Variants in EXD2 observed in about 807,000 individuals in gnomAD.
The protein encoded by EXD2 is exonuclease 3'-5' domain containing 2.
EXD2 carries 40 observed loss-of-function variants against 62.5 expected under a neutral mutation model. The ratio of observed to expected loss-of-function variants is 0.64; its 90% CI spans 0.50 to 0.83. EXD2 has a LOEUF of 0.83. Ranked by LOEUF, EXD2 falls within the 40% of genes least tolerant of loss-of-function variation. The probability of loss-of-function intolerance (pLI) is 0.00; values close to 1 mark genes in which losing one functional copy is unlikely to be tolerated. For missense variants in EXD2, 671 were observed against 761.8 expected (o/e 0.88, Z 1.40); for synonymous variants, 239 against 291.9 (o/e 0.82, Z 1.85).
In EXD2 at chr14:69,241,393, AATG is replaced by A. The variant is rs1328157606; in HGVS notation, c.*295_*297del. ...TTCTGCTGTCCCTGTGCAGAGGAAA[AATG>A]AAGAATTCTCCCAGAAGTGACTTGT... On this transcript the variant is annotated 3_prime_UTR_variant, in exon 10 of 10. Coordinates refer to ENST00000685843, the MANE Select transcript of EXD2 (RefSeq NM_001193360.2). 2.1e-5 allele frequency: 7 copies of A among 334,546 alleles called. No homozygotes were observed. Among genetic ancestry groups the A allele is most frequent in the African/African-American group, 1.5e-4 (7 of 48,156 alleles). 20.7% of individuals were successfully genotyped at this position (334,546 alleles called of 1,614,324 possible). A position where few individuals can be genotyped will look rare whatever the true frequency, so the allele number is the denominator to read the frequency against.
At position 69,209,789 on chromosome 14, in the gene EXD2, ATTG is replaced by A. The variant is rs2042743112; in HGVS notation, c.320_322del (p.Ile107_Asp108delinsAsn). The A allele has an allele frequency of 6.8e-6, 10 of 1,462,972 alleles. No individual in the cohort carries two copies. Among genetic ancestry groups the A allele is most frequent in the African/African-American group, 1.4e-5 (1 of 69,908 alleles). 90.6% of individuals were successfully genotyped at this position (1,462,972 alleles called of 1,614,324 possible). ...ATTAGAAGATTTTCCAGTACTTGGA[ATTG>A]ACTGTGAGTGGGTAAGTTAAAAAGC... On this transcript the variant is annotated inframe_deletion, in exon 3 of 10. Coordinates refer to ENST00000685843, the MANE Select transcript of EXD2 (RefSeq NM_001193360.2).
intron 4 of EXD2, among the ~76,000 whole-genome samples, chr14:69,229,772 C>T (rs1169212960): frequency 6.6e-6 from 1 of 152,106 alleles, no homozygotes; most frequent in African/African-American, 2.4e-5. Context: ...TTTATAACAA[C>T]GTGGACTGAA....
chr14:69,234,591 C>T lies in EXD2; in HGVS notation c.718-109C>T, dbSNP rs530622642. 2.4e-5 allele frequency: 22 copies of T among 910,932 alleles called. No individual in the cohort carries two copies. The African/African-American group carries it at 3.7e-4, about 15-fold the overall frequency. 56.4% of individuals were successfully genotyped at this position (910,932 alleles called of 1,614,324 possible). ...AGTGTATGGTGCCCAGGTTGTCGTA[C>T]ATTTTGAATTAGGATCCTAAGAGTT... On this transcript the variant is annotated intron_variant, in intron 5 of 9. Coordinates refer to ENST00000685843, the MANE Select transcript of EXD2 (RefSeq NM_001193360.2).
chr14:69,197,596 T>C (rs149621037), intron 1 of EXD2, among the ~76,000 whole-genome samples: 45 of 152,250 alleles, frequency 3.0e-4, no homozygotes, highest in Non-Finnish European at 2.5e-4. Flanking sequence ...CCCTCCCCTC[T>C]GGTAGTCCCC....
At chr14:69,222,381 C>T (rs1186195788) in intron 3 of EXD2, among the ~76,000 whole-genome samples, 2 of 151,892 alleles carry the variant, frequency 1.3e-5, no homozygotes, top group African/African-American at 4.8e-5. Flanking sequence ...CTTCATTATT[C>T]TTCAACCAAC....
intron 3 of EXD2, among the ~76,000 whole-genome samples, chr14:69,226,999 C>T (rs563770483): frequency 4.0e-4 from 61 of 152,304 alleles, no homozygotes; most frequent in Middle Eastern, 3.4e-3. Context: ...TAAATCAGCA[C>T]GCTCTCTTCC....
intron 3 of EXD2, among the ~76,000 whole-genome samples, chr14:69,215,577 G>A (rs2042962781): frequency 6.6e-6 from 1 of 152,116 alleles, no homozygotes; most frequent in African/African-American, 2.4e-5. Flanking sequence ...GTTTTCAGAA[G>A]TGATTACACT....
rs576852241 is a variant in EXD2, at chr14:69,225,575, C to T, written c.334-3241C>T. ...AAATATATATAGTATATGTCTCAAA[C>T]ATTTTCATATATGTTGACTAATTTT... On this transcript the variant is annotated intron_variant, in intron 3 of 9. Transcript: ENST00000685843. Among the ~76,000 whole-genome samples, 4 of 152,130 alleles carry T rather than the reference C, an allele frequency of 2.6e-5. No homozygotes were observed. The South Asian group carries it at 8.3e-4, about 31-fold the overall frequency.
intron 3 of EXD2, among the ~76,000 whole-genome samples, chr14:69,216,305 T>C (rs79140695): frequency 0.013 from 2,019 of 152,352 alleles, 43 homozygotes; most frequent in African/African-American, 0.047. Flanking sequence ...TCTAATTTTC[T>C]GTTGTTGCAC....
chr14:69,241,068 T>C lies in EXD2; in HGVS notation c.1834T>C (p.Phe612Leu). Residue 612 changes from phenylalanine to leucine, a missense_variant, in exon 10 of 10, where the codon TTC becomes CTC. Coordinates refer to ENST00000685843, the MANE Select transcript of EXD2 (RefSeq NM_001193360.2). ...CAACCATCAGAAGCTGCTCCGGAAA[T>C]TCGGGGAAGATCTTCCCATCCAGCT... Reference protein sequence around the residue: ...DHNHQKLLRKFGEDLPIQLS With the variant: ...DHNHQKLLRKLGEDLPIQLS The C allele has an allele frequency of 8.7e-6, 14 of 1,612,604 alleles. No homozygotes were observed. Among genetic ancestry groups the C allele is most frequent in the Non-Finnish European group, 1.2e-5 (14 of 1,180,018 alleles).
intron 3 of EXD2, among the ~76,000 whole-genome samples, chr14:69,212,730 CA>C: frequency 1.1e-5 from 1 of 87,990 alleles, no homozygotes. Context: ...TTTTTTGAGA[CA>C]AGATCTTACT....
At chr14:69,192,663 T>G (rs1258075521) in intron 1 of EXD2, among the ~76,000 whole-genome samples, 1 of 152,246 alleles carries the variant, frequency 6.6e-6, no homozygotes, top group Non-Finnish European at 1.5e-5. Flanking sequence ...TTGCATTTAT[T>G]TGACAAGTAT....
intron 1 of EXD2, among the ~76,000 whole-genome samples, chr14:69,196,622 C>CTT (rs3045582): frequency 7.3e-6 from 1 of 136,808 alleles, no homozygotes. Flanking sequence ...ATTGCCAGCA[C>CTT]TTTTTTTTTT....
chr14:69,198,753 T>C (rs2042291503), intron 1 of EXD2, among the ~76,000 whole-genome samples: 1 of 152,236 alleles, frequency 6.6e-6, no homozygotes, highest in Non-Finnish European at 1.5e-5. Context: ...GTGAACACGA[T>C]AGAGCACACT....
chr14:69,192,755 C>T (rs1266255539), intron 1 of EXD2, among the ~76,000 whole-genome samples: 3 of 152,120 alleles, frequency 2.0e-5, no homozygotes, highest in Admixed American at 6.5e-5. Flanking sequence ...CACAACTTGA[C>T]GTTTTATGCT....
chr14:69,236,251 C>T, intron 7 of EXD2, 99 bp downstream of exon 7: 1 of 1,497,134 alleles, frequency 6.7e-7, no homozygotes. Flanking sequence ...TAGAAGAAGG[C>T]AGAGAGACCG....
intron 1 of EXD2, among the ~76,000 whole-genome samples, chr14:69,194,185 C>G (rs1391322988): frequency 6.7e-6 from 1 of 148,940 alleles, no homozygotes; most frequent in Non-Finnish European, 1.5e-5. Context: ...GTCGCCCAGG[C>G]TGGAGTGCAG....
intron 5 of EXD2, among the ~76,000 whole-genome samples, chr14:69,233,471 G>A (rs530012921): frequency 6.6e-6 from 1 of 151,820 alleles, no homozygotes; most frequent in Non-Finnish European, 1.5e-5. Flanking sequence ...CTGTCGCTCA[G>A]GCTGGAGTGC....
At chr14:69,196,771 A>G (rs1178658969) in intron 1 of EXD2, among the ~76,000 whole-genome samples, 2 of 149,560 alleles carry the variant, frequency 1.3e-5, no homozygotes, top group East Asian at 3.9e-4. Context: ...CTATAGGCAC[A>G]CTACCACTCC....
Sources: gnomAD v4.1 joint callset for allele counts (sites outside exome capture counted in the v4.1 genomes callset) on GRCh38, gnomAD v4.1.1 for gene constraint, MANE v1.5 for transcripts, NCBI Gene and HGNC (gene_info 2026-07-23, HGNC 2026-07-21) for gene names.